CHRM3: variants seen among roughly 807,000 people sequenced by gnomAD.
CHRM3 encodes the protein muscarinic acetylcholine receptor M3.
Under a neutral mutation model 41.8 loss-of-function variants are expected in CHRM3, and 11 were observed. The observed-to-expected ratio is 0.26, with a 90% CI of 0.17 to 0.44. The LOEUF (loss-of-function observed/expected upper bound fraction) is 0.44, where lower values mean the gene tolerates loss of function less well. Among genes scored for constraint, CHRM3 ranks in the 20% least tolerant of loss-of-function variants. CHRM3 has a pLI of 1.00. For synonymous variants in CHRM3, 297 were observed against 301.4 expected, an observed-to-expected ratio of 0.99 and a Z score of 0.15; for missense variants, 571 against 745.4, an observed-to-expected ratio of 0.77 and a Z score of 2.72.
At chr1:239,723,376 T>C (rs1384914664) in intron 5 of CHRM3, among the ~76,000 whole-genome samples, 1 of 151,956 alleles carries the variant, frequency 6.6e-6, no homozygotes, top group Non-Finnish European at 1.5e-5. Flanking sequence ...ATATTTTTCT[T>C]TGAAAGGTTA....
intron 1 of CHRM3, among the ~76,000 whole-genome samples, chr1:239,473,195 G>C (rs1666241603): frequency 6.7e-6 from 1 of 148,918 alleles, no homozygotes; most frequent in Non-Finnish European, 1.5e-5. Context: ...ATGAACTCAG[G>C]GAAAGGAAGA....
chr1:239,858,567 G>A (rs1675315454), intron 6 of CHRM3, among the ~76,000 whole-genome samples: 1 of 149,574 alleles, frequency 6.7e-6, no homozygotes, highest in Admixed American at 6.7e-5. Flanking sequence ...CTTACAATTT[G>A]GGTTTTTTGC....
At chr1:239,832,664 G>A (rs938925658) in intron 6 of CHRM3, among the ~76,000 whole-genome samples, 4 of 151,864 alleles carry the variant, frequency 2.6e-5, no homozygotes, top group East Asian at 3.9e-4. Context: ...ACGCATTTCC[G>A]AGAGTAAGAG....
intron 4 of CHRM3, among the ~76,000 whole-genome samples, chr1:239,643,367 A>G (rs922383276): frequency 2.2e-4 from 33 of 152,326 alleles, no homozygotes; most frequent in African/African-American, 6.5e-4. Context: ...CCCTGCCCCC[A>G]GAGGTGGAGC....
rs368644737 is a variant in CHRM3, at chr1:239,529,632, CAAACA to C, written c.-421-16006_-421-16002del. 3.4e-3 allele frequency among the ~76,000 whole-genome samples: 451 copies of C among 132,700 alleles called. 4 individuals are homozygous for C. The highest frequency in any genetic ancestry group is 4.0e-3 in the Non-Finnish European group (251 of 62,686). The allele number at this position is 132,700 out of a possible 152,430, so 87.1% of individuals were successfully genotyped here. A position where few individuals can be genotyped will look rare whatever the true frequency, so the allele number is the denominator to read the frequency against. ...CTCAAAAAAAAAAAAAAAAAAAAAA[CAAACA>C]AACAACAACAATAACAACAACAAAA... On this transcript the variant is annotated intron_variant, in intron 2 of 6. Coordinates refer to ENST00000676153, the MANE Select transcript of CHRM3 (RefSeq NM_001375978.1).
chr1:239,398,403 T>G (rs1659680899), intron 1 of CHRM3, among the ~76,000 whole-genome samples: 1 of 152,034 alleles, frequency 6.6e-6, no homozygotes, highest in Middle Eastern at 3.2e-3. Context: ...GCCTGGCTAA[T>G]TTTTGTATTT....
chr1:239,815,274 A>G (rs993504160), intron 5 of CHRM3, among the ~76,000 whole-genome samples: 5 of 152,206 alleles, frequency 3.3e-5, no homozygotes, highest in African/African-American at 1.2e-4. Flanking sequence ...GTCAGGACAT[A>G]TCAAAATGTA....
chr1:239,627,591 C>T (rs1669125119), intron 3 of CHRM3, among the ~76,000 whole-genome samples: 2 of 133,368 alleles, frequency 1.5e-5, no homozygotes, highest in African/African-American at 3.0e-5. Context: ...CAGTTTCTTC[C>T]TAGTCTCGAT....
chr1:239,583,150 A>G (rs1663061325), intron 3 of CHRM3, among the ~76,000 whole-genome samples: 1 of 152,200 alleles, frequency 6.6e-6, no homozygotes, highest in South Asian at 2.1e-4. Flanking sequence ...TCCTTGAAAG[A>G]GCGAAATTCT....
intron 4 of CHRM3, among the ~76,000 whole-genome samples, chr1:239,676,116 A>G (rs2149079811): frequency 6.6e-6 from 1 of 152,350 alleles, no homozygotes; most frequent in Admixed American, 6.5e-5. Flanking sequence ...TGAATAGACA[A>G]GACAGTTCTA....
intron 1 of CHRM3, among the ~76,000 whole-genome samples, chr1:239,451,625 T>A (rs1681816984): frequency 1.3e-5 from 2 of 152,164 alleles, no homozygotes; most frequent in Admixed American, 6.5e-5. Context: ...ATTTTTTTAA[T>A]CAGATTTTCA....
intron 5 of CHRM3, among the ~76,000 whole-genome samples, chr1:239,687,388 G>A (rs549526108): frequency 7.2e-5 from 11 of 152,050 alleles, no homozygotes; most frequent in Non-Finnish European, 1.0e-4. Flanking sequence ...TTGCTAATCC[G>A]TCGTTATTTA....
At position 239,539,246 on chromosome 1, in the gene CHRM3, A is replaced by AT. The variant is rs200653324; in HGVS notation, c.-421-6388dup. 8.2e-3 allele frequency among the ~76,000 whole-genome samples: 1,241 copies of AT among 152,180 alleles called. 20 individuals are homozygous for AT. The highest frequency in any genetic ancestry group is 0.041 in the Admixed American group (626 of 15,282). ...GCTTTGATTACACAGAATTCTTTCA[A>AT]TTTTTTTGGCCTTTGTTCTCTTGTA... On this transcript the variant is annotated intron_variant, in intron 2 of 6. Transcript: ENST00000676153.
At chr1:239,616,040 G>A (rs901938884) in intron 3 of CHRM3, among the ~76,000 whole-genome samples, 2 of 152,142 alleles carry the variant, frequency 1.3e-5, no homozygotes, top group African/African-American at 4.8e-5. Context: ...ACCAGTGATG[G>A]CTAGTTAGGA....
chr1:239,531,903 C>T (rs929502894), intron 2 of CHRM3, among the ~76,000 whole-genome samples: 21 of 150,634 alleles, frequency 1.4e-4, no homozygotes, highest in African/African-American at 4.2e-4. Flanking sequence ...TCGTGATCTC[C>T]GCGCTTGGGC....
intron 6 of CHRM3, among the ~76,000 whole-genome samples, chr1:239,876,886 G>A (rs900393512): frequency 6.6e-6 from 1 of 152,142 alleles, no homozygotes; most frequent in South Asian, 2.1e-4. Context: ...CATCAAAGCA[G>A]GCACATTTGC....
At chr1:239,865,441 T>C (rs1452040723) in intron 6 of CHRM3, among the ~76,000 whole-genome samples, 1 of 152,170 alleles carries the variant, frequency 6.6e-6, no homozygotes. Context: ...CTATAAATAA[T>C]ATGTAAATTC....
intron 2 of CHRM3, among the ~76,000 whole-genome samples, chr1:239,514,055 G>C (rs1229128176): frequency 6.6e-6 from 1 of 152,114 alleles, no homozygotes; most frequent in Admixed American, 6.6e-5. Flanking sequence ...AGTAAGCTTT[G>C]AAGTTGGGTA....
At chr1:239,518,319 G>A (rs1405922644) in intron 2 of CHRM3, among the ~76,000 whole-genome samples, 2 of 152,200 alleles carry the variant, frequency 1.3e-5, no homozygotes, top group African/African-American at 4.8e-5. Context: ...TCAAATGAAT[G>A]TGAGTTTGAA....
Sources: allele counts gnomAD v4.1 joint callset (sites outside exome capture counted in the v4.1 genomes callset), GRCh38; gene constraint gnomAD v4.1.1; transcripts MANE v1.5; gene names NCBI Gene and HGNC (gene_info 2026-07-23, HGNC 2026-07-21).